Variants in SMYD3 observed in about 807,000 individuals in gnomAD.
SMYD3 encodes the protein histone-lysine N-methyltransferase SMYD3.
Under a neutral mutation model 57.7 loss-of-function variants are expected in SMYD3, and 36 were observed. That is an observed-to-expected ratio of 0.62 (90% CI 0.48 to 0.82). SMYD3 has a LOEUF of 0.82. Ranked by LOEUF, SMYD3 falls within the 40% of genes least tolerant of loss-of-function variation. The probability of loss-of-function intolerance (pLI) is 0.00; values close to 1 mark genes in which losing one functional copy is unlikely to be tolerated. For synonymous variants in SMYD3, 211 were observed against 195.0 expected (o/e 1.08, Z -0.68); for missense variants, 515 against 538.8 (o/e 0.96, Z 0.44).
At chr1:245,880,270 T>C (rs1009819103) in intron 8 of SMYD3, among the ~76,000 whole-genome samples, 2 of 152,234 alleles carry the variant, frequency 1.3e-5, no homozygotes, top group African/African-American at 4.8e-5. Context: ...ATTAACACCA[T>C]ATTGTTCGAT....
intron 5 of SMYD3, among the ~76,000 whole-genome samples, chr1:245,994,759 G>A (rs2058888883): frequency 6.6e-6 from 1 of 151,908 alleles, no homozygotes; most frequent in Non-Finnish European, 1.5e-5. Flanking sequence ...AGTACTAGGT[G>A]GTATGAAGTG....
chr1:246,025,063 A>G (rs2059551023), intron 5 of SMYD3, among the ~76,000 whole-genome samples: 1 of 151,300 alleles, frequency 6.6e-6, no homozygotes, highest in South Asian at 2.1e-4. Flanking sequence ...GCAAGTGGAC[A>G]GCATCTAGGA....
At chr1:246,244,555 G>A (rs12093226) in intron 5 of SMYD3, among the ~76,000 whole-genome samples, 31,559 of 152,054 alleles carry the variant, frequency 0.21, 3,990 homozygotes, top group East Asian at 0.58. Context: ...AAATAGCTTT[G>A]AAACCATCCA....
intron 1 of SMYD3, among the ~76,000 whole-genome samples, chr1:246,384,009 G>A (rs749198889): frequency 6.6e-6 from 1 of 151,970 alleles, no homozygotes; most frequent in Non-Finnish European, 1.5e-5. Flanking sequence ...GATTAGTCAG[G>A]GAGCAGACAC....
intron 5 of SMYD3, among the ~76,000 whole-genome samples, chr1:246,021,285 G>A (rs147671271): frequency 1.2e-3 from 181 of 152,284 alleles, no homozygotes; most frequent in African/African-American, 4.2e-3. Context: ...TCTGACATGG[G>A]TACAGAATTC....
intron 5 of SMYD3, among the ~76,000 whole-genome samples, chr1:246,212,192 A>T (rs1036240408): frequency 6.6e-6 from 1 of 152,064 alleles, no homozygotes; most frequent in African/African-American, 2.4e-5. Context: ...CAAAACTTTT[A>T]AATATGCAAA....
intron 5 of SMYD3, among the ~76,000 whole-genome samples, chr1:246,031,927 ATC>A (rs2059685165): frequency 6.6e-6 from 1 of 152,102 alleles, no homozygotes; most frequent in African/African-American, 2.4e-5. Context: ...TTTGTTTAAA[ATC>A]TCTGAGACAG....
At chr1:246,490,483 G>A (rs1024937228) in intron 1 of SMYD3, among the ~76,000 whole-genome samples, 5 of 152,120 alleles carry the variant, frequency 3.3e-5, no homozygotes, top group East Asian at 1.9e-4. Context: ...CAAGGTCTCC[G>A]TCCTCAAGAA....
At chr1:246,080,767 T>C (rs533234867) in intron 5 of SMYD3, among the ~76,000 whole-genome samples, 2 of 152,342 alleles carry the variant, frequency 1.3e-5, no homozygotes, top group Admixed American at 6.5e-5. Context: ...CTTAGTGTAT[T>C]ATCTATCTCC....
chr1:245,833,059 C>CAAAAAAAAAAAAAAAAAA (rs35215737), intron 10 of SMYD3, among the ~76,000 whole-genome samples: 4 of 40,840 alleles, frequency 9.8e-5, no homozygotes, highest in Non-Finnish European at 3.1e-4. Context: ...GAATATGTGA[C>CAAAAAAAAAAAAAAAAAA]AAAAAAAAAA....
intron 1 of SMYD3, among the ~76,000 whole-genome samples, chr1:246,424,599 G>A (rs1428294128): frequency 6.6e-6 from 1 of 152,076 alleles, no homozygotes; most frequent in Non-Finnish European, 1.5e-5. Context: ...CTGTAATATG[G>A]TCATTCTACA....
At chr1:245,904,955 C>A (rs2054460527) in intron 8 of SMYD3, among the ~76,000 whole-genome samples, 1 of 151,768 alleles carries the variant, frequency 6.6e-6, no homozygotes, top group Non-Finnish European at 1.5e-5. Context: ...CCATTCCAGA[C>A]CGTAGCTCCC....
At chr1:245,968,112 T>A (rs1395235497) in intron 5 of SMYD3, among the ~76,000 whole-genome samples, 1 of 152,130 alleles carries the variant, frequency 6.6e-6, no homozygotes, top group African/African-American at 2.4e-5. Flanking sequence ...ATATAGATAA[T>A]GCTACTTCCC....
In SMYD3 at chr1:246,161,727, G is replaced by C. The variant is rs774394087; in HGVS notation, c.531+165474C>G. On this transcript the variant is annotated intron_variant, in intron 5 of 11. Coordinates refer to ENST00000490107, the MANE Select transcript of SMYD3 (RefSeq NM_001167740.2). ...AATGTAAAAAGAGAATCAAATACAG[G>C]TCTGGCCAATGACAGTATATTTCAA... Among the ~76,000 whole-genome samples the C allele has an allele frequency of 2.6e-5, 4 of 152,296 alleles. No individual in the cohort carries two copies. The East Asian group carries it at 7.7e-4, about 29-fold the overall frequency.
intron 1 of SMYD3, among the ~76,000 whole-genome samples, chr1:246,369,455 TAAC>T (rs2066158854): frequency 6.6e-6 from 1 of 152,200 alleles, no homozygotes; most frequent in African/African-American, 2.4e-5. Context: ...AAATGGCTAT[TAAC>T]ACACACCAGT....
intron 5 of SMYD3, among the ~76,000 whole-genome samples, chr1:246,319,984 T>G (rs950646048): frequency 1.3e-5 from 2 of 152,206 alleles, no homozygotes; most frequent in African/African-American, 4.8e-5. Flanking sequence ...ACTCTAAATG[T>G]AAAGGCACAT....
intron 5 of SMYD3, among the ~76,000 whole-genome samples, chr1:246,276,588 C>T (rs796387665): frequency 1.2e-3 from 145 of 122,278 alleles, no homozygotes; most frequent in Middle Eastern, 0.012. Flanking sequence ...CATGTTTGAA[C>T]ACTAACTCCA....
intron 11 of SMYD3, among the ~76,000 whole-genome samples, chr1:245,750,374 C>T (rs935441734): frequency 3.9e-5 from 6 of 152,148 alleles, no homozygotes; most frequent in African/African-American, 9.7e-5. Flanking sequence ...AGAGGGAGGC[C>T]GTGTACAGGC....
chr1:245,940,254 G>C (rs1380810588), intron 5 of SMYD3, among the ~76,000 whole-genome samples: 2 of 152,152 alleles, frequency 1.3e-5, no homozygotes, highest in Admixed American at 1.3e-4. Flanking sequence ...ACTCCCCCCA[G>C]CGCAGTGCAC....
Sources: gnomAD v4.1 joint callset for allele counts (sites outside exome capture counted in the v4.1 genomes callset) on GRCh38, gnomAD v4.1.1 for gene constraint, MANE v1.5 for transcripts, NCBI Gene and HGNC (gene_info 2026-07-23, HGNC 2026-07-21) for gene names.